The following EDIL3 variants were observed in gnomAD, a reference collection of about 807,000 sequenced individuals.
The protein encoded by EDIL3 is EGF-like repeat and discoidin I-like domain-containing protein 3.
EDIL3 carries 37 observed loss-of-function variants against 67.4 expected under a neutral mutation model. That is an observed-to-expected ratio of 0.55 (90% confidence interval 0.42 to 0.72). The LOEUF (loss-of-function observed/expected upper bound fraction) is 0.72, where lower values mean the gene tolerates loss of function less well. EDIL3 is among the 30% of genes least tolerant of loss of function. The pLI, the probability that EDIL3 is intolerant of heterozygous loss-of-function variation, is 0.00. For missense variants in EDIL3, 527 were observed against 586.3 expected (o/e 0.90, Z 1.04); for synonymous variants, 195 against 196.3 (o/e 0.99, Z 0.05).
intron 10 of EDIL3, among the ~76,000 whole-genome samples, chr5:83,949,130 T>A (rs575108769): frequency 6.6e-6 from 1 of 151,920 alleles, no homozygotes; most frequent in Admixed American, 6.6e-5. Context: ...TGATCATCAG[T>A]CTGCAGAATG....
intron 9 of EDIL3, among the ~76,000 whole-genome samples, chr5:84,036,865 G>T (rs1042182138): frequency 6.6e-6 from 1 of 152,082 alleles, no homozygotes; most frequent in Admixed American, 6.6e-5. Flanking sequence ...GACAGGGTTG[G>T]CCAAGAAGAT....
At chr5:84,197,563 G>A (rs561075504) in intron 3 of EDIL3, among the ~76,000 whole-genome samples, 2 of 151,988 alleles carry the variant, frequency 1.3e-5, no homozygotes, top group South Asian at 2.1e-4. Flanking sequence ...GGAGGCTTAG[G>A]CAGGAGGATT....
intron 6 of EDIL3, among the ~76,000 whole-genome samples, chr5:84,099,458 A>G (rs1238137316): frequency 6.6e-6 from 1 of 152,160 alleles, no homozygotes; most frequent in African/African-American, 2.4e-5. Flanking sequence ...GACAAACCTG[A>G]CCAAAACAAG....
intron 1 of EDIL3, among the ~76,000 whole-genome samples, chr5:84,292,056 AAACTTAAAGTTAAATTTTATTT>A (rs1315478367): frequency 7.2e-5 from 11 of 152,132 alleles, no homozygotes; most frequent in African/African-American, 2.2e-4. Flanking sequence ...GTGGCTATAT[AAACTTAAAGTTAAATTTTATTT>A]AACTTAAAGT....
chr5:84,094,017 A>C (rs929554613), intron 6 of EDIL3, among the ~76,000 whole-genome samples: 2 of 152,164 alleles, frequency 1.3e-5, no homozygotes, highest in African/African-American at 4.8e-5. Context: ...TGTATTCCAA[A>C]GAATCTAGAG....
At chr5:84,139,560 G>A (rs755533929) in intron 4 of EDIL3, among the ~76,000 whole-genome samples, 7 of 152,126 alleles carry the variant, frequency 4.6e-5, no homozygotes, top group African/African-American at 1.4e-4. Context: ...CAATAACAAT[G>A]TTTGGCTACC....
intron 9 of EDIL3, among the ~76,000 whole-genome samples, chr5:83,999,681 G>A (rs75752927): frequency 0.13 from 19,605 of 151,888 alleles, 3,152 homozygotes; most frequent in African/African-American, 0.39. Context: ...TCTAAGGGTT[G>A]ATGGCCTTAA....
chr5:83,989,122 G>C (rs1745105631), intron 9 of EDIL3, among the ~76,000 whole-genome samples: 1 of 152,150 alleles, frequency 6.6e-6, no homozygotes, highest in African/African-American at 2.4e-5. Flanking sequence ...ATCCCTAGAA[G>C]TGGAATCATG....
intron 5 of EDIL3, among the ~76,000 whole-genome samples, chr5:84,122,939 A>G (rs1747804864): frequency 6.6e-6 from 1 of 151,968 alleles, no homozygotes. Context: ...CAGCTGAAGC[A>G]GGTTATTAGA....
intron 4 of EDIL3, among the ~76,000 whole-genome samples, chr5:84,176,212 T>TATAAA (rs1554071691): frequency 3.3e-5 from 4 of 121,494 alleles, no homozygotes; most frequent in African/African-American, 1.7e-4. Context: ...TATATATATA[T>TATAAA]ATATATATAT....
chr5:84,283,690 C>T (rs10037974), intron 1 of EDIL3, among the ~76,000 whole-genome samples: 123,686 of 152,106 alleles, frequency 0.81, 50,641 homozygotes, highest in East Asian at 0.95. Context: ...GTGCATTATC[C>T]CTTCTGGAAA....
chr5:84,050,808 C>G (rs991373236), intron 9 of EDIL3, among the ~76,000 whole-genome samples: 2 of 152,304 alleles, frequency 1.3e-5, no homozygotes, highest in Non-Finnish European at 1.5e-5. Context: ...GTAAACAAAG[C>G]AGCCAGGAAG....
intron 1 of EDIL3, among the ~76,000 whole-genome samples, chr5:84,335,052 CA>C (rs1350511730): frequency 6.6e-6 from 1 of 152,096 alleles, no homozygotes; most frequent in African/African-American, 2.4e-5. Flanking sequence ...AAACGCTTTA[CA>C]TATGTTTTCA....
At chr5:84,366,874 G>C (rs1177531916) in intron 1 of EDIL3, among the ~76,000 whole-genome samples, 1 of 152,124 alleles carries the variant, frequency 6.6e-6, no homozygotes, top group Non-Finnish European at 1.5e-5. Flanking sequence ...CCAATACCAA[G>C]CTTAATAAAG....
intron 9 of EDIL3, among the ~76,000 whole-genome samples, chr5:84,013,932 T>C (rs1242967170): frequency 1.3e-5 from 2 of 152,172 alleles, no homozygotes; most frequent in Non-Finnish European, 1.5e-5. Flanking sequence ...TGTAGATAAA[T>C]TGAAAGCTAG....
chr5:84,106,771 A>T lies in EDIL3; in HGVS notation c.529T>A (p.Ser177Thr). ...CCAAAAAGAGCTCGGTGAGTAGAGG[A>T]AGCTGTGATTTGCTGGTTTGATATA... ...GIISNQQITA[S>T]STHRALFGLQ... is the part of the protein sequence containing the mutation. Residue 177 changes from serine to threonine, a missense_variant, in exon 6 of 11, where the codon TCC (serine) becomes ACC (threonine). By Grantham distance (58) the Ser-to-Thr change is moderately conservative. Transcript: ENST00000296591. 6.2e-7 allele frequency: 1 copy of T among 1,613,348 alleles called. No individual in the cohort carries two copies.
At chr5:84,191,190 T>A in intron 3 of EDIL3, among the ~76,000 whole-genome samples, 1 of 152,080 alleles carries the variant, frequency 6.6e-6, no homozygotes, top group Non-Finnish European at 1.5e-5. Context: ...AAACAAAGTG[T>A]GTTAAAAATA....
At chr5:84,266,479 G>C (rs1374335748) in intron 1 of EDIL3, among the ~76,000 whole-genome samples, 3 of 152,154 alleles carry the variant, frequency 2.0e-5, no homozygotes, top group Admixed American at 6.5e-5. Flanking sequence ...AGTTTTGTCA[G>C]AGACTCTCAC....
chr5:83,975,067 A>G (rs755586843), intron 9 of EDIL3, among the ~76,000 whole-genome samples: 2 of 152,066 alleles, frequency 1.3e-5, no homozygotes, highest in Non-Finnish European at 2.9e-5. Flanking sequence ...GAGTATTTCT[A>G]TGATGAAGCC....
Sources: gnomAD v4.1 joint callset for allele counts (sites outside exome capture counted in the v4.1 genomes callset) on GRCh38, gnomAD v4.1.1 for gene constraint, MANE v1.5 for transcripts, NCBI Gene and HGNC (gene_info 2026-07-23, HGNC 2026-07-21) for gene names.